The following STS variants were observed in gnomAD, a reference collection of about 807,000 sequenced individuals.
STS encodes steroid sulfatase, also known as steryl-sulfatase.
In STS, 7 loss-of-function variants were observed where a neutral mutation model predicts 26.8. The ratio of observed to expected loss-of-function variants is 0.26; its 90% CI spans 0.15 to 0.49. STS has a LOEUF of 0.49. Among genes scored for constraint, STS ranks in the 20% least tolerant of loss-of-function variants. The pLI, the probability that STS is intolerant of heterozygous loss-of-function variation, is 0.98. For synonymous variants in STS, 199 were observed against 189.4 expected, an observed-to-expected ratio of 1.05 and a Z score of -0.42; for missense variants, 434 against 465.6, an observed-to-expected ratio of 0.93 and a Z score of 0.63.
At chrX:7,341,162 G>A (rs1406058771) in intron 10 of STS, among the ~76,000 whole-genome samples, 1 of 111,547 alleles carries the variant, frequency 9.0e-6, no homozygotes, top group Non-Finnish European at 1.9e-5. Context: ...GGCCAAGTTG[G>A]GATTTGCAAC....
intron 6 of STS, among the ~76,000 whole-genome samples, chrX:7,265,159 A>G (rs1020974412): frequency 2.7e-5 from 3 of 110,828 alleles, no homozygotes; most frequent in Non-Finnish European, 5.7e-5. Flanking sequence ...ACAGGAGCAC[A>G]GCCATTCCAA....
chrX:7,255,917 A>G (rs1448249600), intron 3 of STS, among the ~76,000 whole-genome samples: 2 of 112,455 alleles, frequency 1.8e-5, no homozygotes, highest in African/African-American at 6.5e-5. Context: ...TAGGGAAGCC[A>G]TGGGACCAAT....
In STS at chrX:7,167,096, C is replaced by G. The variant is rs2079728; in HGVS notation, c.-134+19013C>G. 7.2e-4 allele frequency among the ~76,000 whole-genome samples: 81 copies of G among 111,852 alleles called. No individual in the cohort carries two copies. The East Asian group carries it at 0.022, about 30-fold the overall frequency. ...AGTCTAGGCATAGCTTAGCAGGGTT[C>G]TCTGCTCAGAGTCTCACGAGATTGC... On this transcript the variant is annotated intron_variant, in intron 1 of 10. Coordinates refer to ENST00000674429, the MANE Select transcript of STS (RefSeq NM_001320752.2).
At chrX:7,349,712 G>A (rs753194094) in intron 10 of STS, among the ~76,000 whole-genome samples, 176 bp from the exon 11 acceptor site, 1 of 111,454 alleles carries the variant, frequency 9.0e-6, no homozygotes, top group East Asian at 2.8e-4. Context: ...GTGTGTGTGG[G>A]CGTCTATGTG....
At chrX:7,284,933 G>C (rs1925052577) in intron 7 of STS, among the ~76,000 whole-genome samples, 1 of 111,213 alleles carries the variant, frequency 9.0e-6, no homozygotes, top group Admixed American at 9.6e-5. Flanking sequence ...TGGTGATGGT[G>C]ATGGTGGTGA....
intron 1 of STS, among the ~76,000 whole-genome samples, chrX:7,189,010 C>A (rs761825873): frequency 2.7e-5 from 3 of 111,310 alleles, no homozygotes; most frequent in Non-Finnish European, 5.7e-5. Context: ...CAAATGCCAT[C>A]TCTGGGGGGA....
In STS at chrX:7,353,274, G is replaced by A. The variant is rs186324461; in HGVS notation, c.*3013G>A. 4.5e-5 allele frequency: 5 copies of A among 110,631 alleles called. No individual in the cohort carries two copies. In the East Asian group the frequency reaches 1.4e-3, roughly 31 times the overall value. 9.1% of individuals were successfully genotyped at this position (110,631 alleles called of 1,213,427 possible). On this transcript the variant is annotated 3_prime_UTR_variant, in exon 11 of 11. Transcript: ENST00000674429. ...GCTCCGACCTCCATGATCCGAGAGTGGGAAAAGGCCCGATTATTACCCATA... is the reference window on the plus strand; with the variant it reads ...GCTCCGACCTCCATGATCCGAGAGTAGGAAAAGGCCCGATTATTACCCATA...
chrX:7,229,488 G>C (rs1457298875), intron 2 of STS, among the ~76,000 whole-genome samples: 1 of 111,455 alleles, frequency 9.0e-6, no homozygotes, highest in Admixed American at 9.5e-5. Flanking sequence ...ATCCTAGCTG[G>C]GGAACAGGGA....
chrX:7,182,377 T>A (rs1036972932), intron 1 of STS, among the ~76,000 whole-genome samples: 2 of 108,967 alleles, frequency 1.8e-5, no homozygotes, highest in Non-Finnish European at 3.8e-5. Context: ...TGGCAGATAC[T>A]CCTTATCATG....
intron 6 of STS, among the ~76,000 whole-genome samples, chrX:7,269,661 G>A (rs890741023): frequency 9.0e-6 from 1 of 111,053 alleles, no homozygotes; most frequent in Non-Finnish European, 1.9e-5. Flanking sequence ...CAGAACATTT[G>A]CTTAATAACT....
At position 7,353,413 on chromosome X, in the gene STS, T is replaced by C. The variant is rs758251946; in HGVS notation, c.*3152T>C. On this transcript the variant is annotated 3_prime_UTR_variant, in exon 11 of 11. Transcript: ENST00000674429. ...AATCATATTGGTATTTGCACCAACA[T>C]AGTCATAAAATAGTATGTTAATATG... The C allele has an allele frequency of 6.3e-5, 7 of 110,974 alleles. No individual in the cohort carries two copies. The South Asian group carries it at 2.3e-3, about 37-fold the overall frequency. The allele number at this position is 110,974 out of a possible 1,213,427, so 9.1% of individuals were successfully genotyped here. A position where few individuals can be genotyped will look rare whatever the true frequency, so the allele number is the denominator to read the frequency against.
intron 8 of STS, among the ~76,000 whole-genome samples, chrX:7,305,792 C>G (rs1481231309): frequency 8.9e-6 from 1 of 111,768 alleles, no homozygotes; most frequent in African/African-American, 3.3e-5. Flanking sequence ...TACTCTGACA[C>G]CCCTGCCTCC....
At chrX:7,196,057 C>G (rs1933966870) in intron 2 of STS, among the ~76,000 whole-genome samples, 1 of 108,230 alleles carries the variant, frequency 9.2e-6, no homozygotes, top group African/African-American at 3.4e-5. Context: ...GAGTTCTTAT[C>G]TAGGACAGAC....
intron 2 of STS, among the ~76,000 whole-genome samples, chrX:7,206,813 G>T (rs1397481136): frequency 4.5e-5 from 5 of 112,254 alleles, no homozygotes; most frequent in Admixed American, 1.9e-4. Flanking sequence ...TCGATCCAAT[G>T]GTCATCAGAG....
Position 7,223,459 on chromosome X carries a change from C to T in STS, c.-4-29737C>T, listed in dbSNP as rs755259899. ...CCCTTCTGATGGTGGAAGATGGTAC[C>T]TCATTGTGGTTTTGATTTGCATTTC... On this transcript the variant is annotated intron_variant, in intron 2 of 10. Transcript: ENST00000674429. 4.5e-5 allele frequency among the ~76,000 whole-genome samples: 5 copies of T among 111,854 alleles called. No individual in the cohort carries two copies. The South Asian group carries it at 1.5e-3, about 33-fold the overall frequency.
intron 2 of STS, among the ~76,000 whole-genome samples, chrX:7,205,145 A>G (rs1158517280): frequency 8.9e-6 from 1 of 112,159 alleles, no homozygotes; most frequent in East Asian, 2.8e-4. Flanking sequence ...CTTTTGGGCA[A>G]TTGCACAATC....
chrX:7,214,668 C>G (rs1351800867), intron 2 of STS, among the ~76,000 whole-genome samples: 1 of 109,108 alleles, frequency 9.2e-6, no homozygotes, highest in African/African-American at 3.3e-5. Flanking sequence ...TACACTGAAC[C>G]CTATTTGTAG....
chrX:7,332,525 G>T (rs1470917824), intron 9 of STS, among the ~76,000 whole-genome samples: 3 of 110,190 alleles, frequency 2.7e-5, no homozygotes, highest in Non-Finnish European at 5.7e-5. Flanking sequence ...GTCATTGAAA[G>T]ACATTCTCCC....
chrX:7,217,512 C>T (rs1052731612), intron 2 of STS, among the ~76,000 whole-genome samples: 2 of 111,761 alleles, frequency 1.8e-5, no homozygotes, highest in Non-Finnish European at 3.8e-5. Context: ...CATGCACTTG[C>T]CAGCAGCCTC....
Sources: gnomAD v4.1 joint callset for allele counts (sites outside exome capture counted in the v4.1 genomes callset) on GRCh38, gnomAD v4.1.1 for gene constraint, MANE v1.5 for transcripts, NCBI Gene and HGNC (gene_info 2026-07-23, HGNC 2026-07-21) for gene names.